Variants in PRRX2 observed in about 807,000 individuals in gnomAD.
PRRX2 encodes the protein paired related homeobox 2, also known as paired mesoderm homeobox protein 2.
A neutral mutation model predicts 18.0 loss-of-function variants in PRRX2; 11 were observed. The observed-to-expected ratio is 0.61, with a 90% CI of 0.39 to 1.01. The LOEUF is 1.01. Ranked by LOEUF, PRRX2 falls within the 50% of genes least tolerant of loss-of-function variation. PRRX2 has a pLI of 0.01. For missense variants in PRRX2, 387 were observed against 351.0 expected, an observed-to-expected ratio of 1.10 and a Z score of -0.82; for synonymous variants, 177 against 154.8, an observed-to-expected ratio of 1.14 and a Z score of -1.06.
chr9:129,703,136 C>T (rs796307815), intron 1 of PRRX2, among the ~76,000 whole-genome samples: 3 of 152,358 alleles, frequency 2.0e-5, no homozygotes, highest in African/African-American at 7.2e-5. Context: ...GAGCATGCAC[C>T]CCACTGGTGA....
chr9:129,709,472 G>A lies in PRRX2; in HGVS notation c.260-9759G>A, dbSNP rs373009934. On this transcript the variant is annotated intron_variant, in intron 1 of 3. Coordinates refer to ENST00000372469, the MANE Select transcript of PRRX2 (RefSeq NM_016307.4). The surrounding 1 kb of genome is among the most constrained non-coding windows in gnomAD (Gnocchi z 4.2). ...CATTCTTGCAGCCACACTGGCTACCGGCCCCCAGGGCTGGGAGCAGGTCAG... is the reference window on the plus strand; with the variant it reads ...CATTCTTGCAGCCACACTGGCTACCAGCCCCCAGGGCTGGGAGCAGGTCAG... Among the ~76,000 whole-genome samples the A allele has an allele frequency of 0.011, 1,612 of 152,232 alleles. 28 individuals carry two copies. Among genetic ancestry groups the A allele is most frequent in the African/African-American group, 0.036 (1,508 of 41,542 alleles).
At chr9:129,705,730 G>A (rs1043624213) in intron 1 of PRRX2, among the ~76,000 whole-genome samples, 11 of 152,070 alleles carry the variant, frequency 7.2e-5, no homozygotes, top group African/African-American at 2.2e-4. Context: ...CTGGCTCCCC[G>A]CTACCGTTAG....
In PRRX2 at chr9:129,665,989, G is replaced by T; in HGVS notation, c.122G>T (p.Ser41Ile). ...CAGGCGCGCAAGAACTTCTCGGTGA[G>T]CCACCTCCTGGACCTGGAAGAGGTG... The part of the protein sequence containing the change: ...CAQARKNFSV[S>I]HLLDLEEVAA... Residue 41 changes from serine (S) to isoleucine (I), a missense_variant, in exon 1 of 4, where the codon AGC becomes ATC. Ser to Ile is a moderately radical substitution (Grantham distance 142, BLOSUM62 -2). Transcript: ENST00000372469. This position sits in a 1 kb window ranked among gnomAD's most constrained non-coding sequence, Gnocchi z 5.3. 8.8e-7 allele frequency: 1 copy of T among 1,138,602 alleles called. No individual in the cohort carries two copies. The highest frequency in any genetic ancestry group is 2.3e-5 in the South Asian group (1 of 44,188). The allele number at this position is 1,138,602 out of a possible 1,614,324, so 70.5% of individuals were successfully genotyped here.
intron 2 of PRRX2, among the ~76,000 whole-genome samples, chr9:129,720,100 ACT>A (rs1206703916): frequency 3.2e-5 from 3 of 95,046 alleles, no homozygotes; most frequent in Non-Finnish European, 3.6e-5. Context: ...CAAGTTCTTA[ACT>A]CTGTGCCAGC....
Position 129,675,821 on chromosome 9 carries a change from C to A in PRRX2, c.259+9695C>A, listed in dbSNP as rs1301967827. On this transcript the variant is annotated intron_variant, in intron 1 of 3. Coordinates refer to ENST00000372469, the MANE Select transcript of PRRX2 (RefSeq NM_016307.4). This position sits in a 1 kb window ranked among gnomAD's most constrained non-coding sequence, Gnocchi z 4.4. Reference sequence around the variant, plus strand: ...GCGCGCCTGGCAGGGGCCTCGCAGCCTCTCTCGCCGCCAGAGCTCTGCGCG... The same window carrying A: ...GCGCGCCTGGCAGGGGCCTCGCAGCATCTCTCGCCGCCAGAGCTCTGCGCG... Among the ~76,000 whole-genome samples the A allele has an allele frequency of 6.6e-6, 1 of 152,226 alleles. No homozygotes were observed. The highest frequency in any genetic ancestry group is 1.5e-5 in the Non-Finnish European group (1 of 68,028).
chr9:129,696,287 C>T (rs1832420851), intron 1 of PRRX2, among the ~76,000 whole-genome samples: 1 of 152,182 alleles, frequency 6.6e-6, no homozygotes, highest in Non-Finnish European at 1.5e-5. Flanking sequence ...TAAAGCAGGG[C>T]ACCTTGGCTG....
intron 1 of PRRX2, among the ~76,000 whole-genome samples, chr9:129,705,607 G>A (rs572616137): frequency 2.0e-4 from 31 of 151,370 alleles, no homozygotes; most frequent in Non-Finnish European, 3.8e-4. Flanking sequence ...TGCCCGCCTC[G>A]GCCTCCCAAA....
chr9:129,666,420 G>A lies in PRRX2; in HGVS notation c.259+294G>A, dbSNP rs530921478. On this transcript the variant is annotated intron_variant, in intron 1 of 3. Transcript: ENST00000372469. ...GGGAAGTGGGTGTGGCTGCTGCCGG[G>A]TTACAACTGGGGAAACAGAGACCTG... is the stretch of plus-strand genomic sequence containing the variant. Among the ~76,000 whole-genome samples, 240 of 152,304 alleles carry A rather than the reference G, an allele frequency of 1.6e-3. 1 individual carries two copies. Among genetic ancestry groups the A allele is most frequent in the Admixed American group, 3.7e-3 (56 of 15,300 alleles).
intron 1 of PRRX2, among the ~76,000 whole-genome samples, chr9:129,716,092 C>G (rs886305781): frequency 3.3e-5 from 5 of 152,136 alleles, no homozygotes; most frequent in East Asian, 1.9e-4. Context: ...CGCCCCAAAC[C>G]CGGCCGGTGG....
At chr9:129,672,998 CCA>C (rs1357771402) in intron 1 of PRRX2, among the ~76,000 whole-genome samples, 1 of 152,146 alleles carries the variant, frequency 6.6e-6, no homozygotes, top group Non-Finnish European at 1.5e-5. Flanking sequence ...TCCCAGACTT[CCA>C]GTTTTCAAGT....
chr9:129,722,095 G>C, intron 3 of PRRX2, 122 bp from the exon 4 acceptor site: 1 of 1,398,558 alleles, frequency 7.2e-7, no homozygotes, highest in Non-Finnish European at 9.7e-7. Context: ...CCCCAGTCCT[G>C]GGTGAAGGCT....
At chr9:129,696,447 C>T (rs530547380) in intron 1 of PRRX2, among the ~76,000 whole-genome samples, 5 of 152,100 alleles carry the variant, frequency 3.3e-5, no homozygotes, top group Admixed American at 6.6e-5. Context: ...TGGTAGTGGG[C>T]GCCTGTAATT....
In PRRX2 at chr9:129,700,022, A is replaced by G. The variant is rs75514210; in HGVS notation, c.260-19209A>G. ...AAAGCTGCACAGCCAATATACAGCAAGTGTGGGAGGGGAACGCACACGCAC... is the reference window on the plus strand; with the variant it reads ...AAAGCTGCACAGCCAATATACAGCAGGTGTGGGAGGGGAACGCACACGCAC... On this transcript the variant is annotated intron_variant, in intron 1 of 3. Coordinates refer to ENST00000372469, the MANE Select transcript of PRRX2 (RefSeq NM_016307.4). 1.3e-3 allele frequency among the ~76,000 whole-genome samples: 196 copies of G among 152,366 alleles called. 5 individuals carry two copies. In the East Asian group the frequency reaches 0.035, roughly 28 times the overall value.
intron 1 of PRRX2, among the ~76,000 whole-genome samples, chr9:129,689,332 T>G (rs1832331232): frequency 6.6e-6 from 1 of 152,178 alleles, no homozygotes; most frequent in Non-Finnish European, 1.5e-5. Flanking sequence ...ATAATGCTTG[T>G]CTCTCAGGAC....
chr9:129,712,314 G>A (rs1832634313), intron 1 of PRRX2, among the ~76,000 whole-genome samples: 1 of 152,194 alleles, frequency 6.6e-6, no homozygotes, highest in Non-Finnish European at 1.5e-5. Context: ...ACTATTTGAA[G>A]CAAAAACAAA....
chr9:129,711,966 G>A (rs759811545), intron 1 of PRRX2, among the ~76,000 whole-genome samples: 1 of 152,128 alleles, frequency 6.6e-6, no homozygotes, highest in African/African-American at 2.4e-5. Flanking sequence ...TCTCCCAGGG[G>A]CCCTTCAAAG....
At chr9:129,701,808 A>G (rs1051124943) in intron 1 of PRRX2, among the ~76,000 whole-genome samples, 3 of 152,154 alleles carry the variant, frequency 2.0e-5, no homozygotes, top group Admixed American at 6.5e-5. Context: ...TTTCCTTTCA[A>G]ATGTCCTTAG....
intron 1 of PRRX2, among the ~76,000 whole-genome samples, chr9:129,683,115 A>T (rs1157478043): frequency 3.9e-5 from 6 of 152,020 alleles, no homozygotes; most frequent in Non-Finnish European, 7.4e-5. Flanking sequence ...AAAAAAAAAA[A>T]AATTCCCTCT....
At chr9:129,703,633 A>G (rs1291998873) in intron 1 of PRRX2, among the ~76,000 whole-genome samples, 2 of 152,144 alleles carry the variant, frequency 1.3e-5, no homozygotes, top group Admixed American at 6.5e-5. Flanking sequence ...TCCATAACCC[A>G]GTGCCAGGCG....
Sources: gnomAD v4.1 joint callset for allele counts (sites outside exome capture counted in the v4.1 genomes callset) on GRCh38, gnomAD v4.1.1 for gene constraint, Gnocchi (gnomAD v3.1) non-coding constraint, MANE v1.5 for transcripts, NCBI Gene and HGNC (gene_info 2026-07-23, HGNC 2026-07-21) for gene names.